SLC30A7: variants seen among roughly 807,000 people sequenced by gnomAD.
SLC30A7 encodes solute carrier family 30 member 7.
In SLC30A7, 35 loss-of-function variants were observed where a neutral mutation model predicts 46.0. The ratio of observed to expected loss-of-function variants is 0.76; its 90% CI spans 0.58 to 1.01. The LOEUF (loss-of-function observed/expected upper bound fraction) is 1.01, where lower values mean the gene tolerates loss of function less well. Among genes scored for constraint, SLC30A7 ranks in the 50% least tolerant of loss-of-function variants. The pLI, the probability that SLC30A7 is intolerant of heterozygous loss-of-function variation, is 0.00. For synonymous variants in SLC30A7, 147 were observed against 157.8 expected, an observed-to-expected ratio of 0.93 and a Z score of 0.51; for missense variants, 464 against 451.1, an observed-to-expected ratio of 1.03 and a Z score of -0.26.
At chr1:100,905,592 T>C (rs990482860) in intron 2 of SLC30A7, among the ~76,000 whole-genome samples, 2 of 152,154 alleles carry the variant, frequency 1.3e-5, no homozygotes, top group African/African-American at 2.4e-5. Context: ...TTTTTGTTTG[T>C]CTGTTTGTTT....
chr1:100,975,946 G>A lies in SLC30A7; in HGVS notation c.*1089G>A, dbSNP rs1656468563. On this transcript the variant is annotated 3_prime_UTR_variant, in exon 11 of 11. Transcript: ENST00000357650. Reference sequence around the variant, plus strand: ...GTCTTTTTGTGTACTTCCAGCATAGGTTTGGATATATGAACATTTTTCTTT... The same window carrying A: ...GTCTTTTTGTGTACTTCCAGCATAGATTTGGATATATGAACATTTTTCTTT... The A allele has an allele frequency of 6.6e-6, 1 of 151,226 alleles. No homozygotes were observed. Among genetic ancestry groups the A allele is most frequent in the East Asian group, 1.9e-4 (1 of 5,162 alleles). The allele number at this position is 151,226 out of a possible 1,614,324, so 9.4% of individuals were successfully genotyped here. A position where few individuals can be genotyped will look rare whatever the true frequency, so the allele number is the denominator to read the frequency against.
intron 8 of SLC30A7, among the ~76,000 whole-genome samples, chr1:100,937,446 C>A (rs973439137): frequency 4.6e-5 from 7 of 152,226 alleles, no homozygotes; most frequent in African/African-American, 1.4e-4. Context: ...TTGTTATTTT[C>A]TGTTTTGTTT....
intron 8 of SLC30A7, among the ~76,000 whole-genome samples, chr1:100,959,254 T>C (rs1346257998): frequency 6.6e-6 from 1 of 152,222 alleles, no homozygotes; most frequent in Non-Finnish European, 1.5e-5. Context: ...TAGGGTCACA[T>C]ACCTATTTTA....
intron 3 of SLC30A7, among the ~76,000 whole-genome samples, chr1:100,909,853 A>C (rs1651968667): frequency 6.6e-6 from 1 of 152,126 alleles, no homozygotes; most frequent in South Asian, 2.1e-4. Flanking sequence ...GGGTAGATTA[A>C]AAGAAAATAC....
chr1:100,937,316 G>A (rs1654029461), intron 8 of SLC30A7, among the ~76,000 whole-genome samples: 1 of 152,084 alleles, frequency 6.6e-6, no homozygotes, highest in African/African-American at 2.4e-5. Flanking sequence ...TGGATCATAT[G>A]GTAATTCTGT....
intron 2 of SLC30A7, among the ~76,000 whole-genome samples, chr1:100,901,115 TTAACA>T (rs1289384743): frequency 6.6e-6 from 1 of 152,136 alleles, no homozygotes; most frequent in East Asian, 1.9e-4. Context: ...CCACCCCCCC[TTAACA>T]TAACCCAAAA....
chr1:100,896,473 G>T (rs1650940413), intron 1 of SLC30A7, 97 bp from the exon 2 acceptor site: 6 of 1,416,356 alleles, frequency 4.2e-6, no homozygotes, highest in Non-Finnish European at 6.0e-6. Context: ...GAAGAAAGGA[G>T]CATGTGAACT....
chr1:100,990,502 G>A, the SLC30A7 span: 2 of 1,614,168 alleles, frequency 1.2e-6, no homozygotes, highest in East Asian at 4.5e-5. Flanking sequence ...GCTGCCTCCT[G>A]TGATGATCAA....
chr1:100,966,316 GCTCACACCTGTAATC>G (rs1655869272), intron 10 of SLC30A7, among the ~76,000 whole-genome samples: 2 of 151,694 alleles, frequency 1.3e-5, no homozygotes, highest in Non-Finnish European at 2.9e-5. Context: ...GGGTGCGGTG[GCTCACACCTGTAATC>G]CCAGTGCTTT....
chr1:100,939,890 A>G (rs1165152635), intron 8 of SLC30A7, among the ~76,000 whole-genome samples: 1 of 151,754 alleles, frequency 6.6e-6, no homozygotes, highest in East Asian at 1.9e-4. Context: ...TTTTGTGTTT[A>G]TTTATAAAAG....
intron 9 of SLC30A7, among the ~76,000 whole-genome samples, chr1:100,965,551 T>C (rs1017684364): frequency 6.6e-6 from 1 of 152,248 alleles, no homozygotes; most frequent in Non-Finnish European, 1.5e-5. Flanking sequence ...CTACAAATTT[T>C]GATACATGTT....
intron 8 of SLC30A7, among the ~76,000 whole-genome samples, chr1:100,934,003 A>G (rs1273797713): frequency 6.6e-6 from 1 of 152,210 alleles, no homozygotes; most frequent in Non-Finnish European, 1.5e-5. Context: ...CTATATACAT[A>G]CGTGTACATA....
At chr1:100,925,594 T>C (rs1653243385) in intron 8 of SLC30A7, among the ~76,000 whole-genome samples, 1 of 152,092 alleles carries the variant, frequency 6.6e-6, no homozygotes, top group South Asian at 2.1e-4. Flanking sequence ...AGAATATAAA[T>C]GTGTGGGTCA....
intron 3 of SLC30A7, among the ~76,000 whole-genome samples, chr1:100,909,679 A>G (rs578043451): frequency 2.0e-5 from 3 of 152,224 alleles, no homozygotes; most frequent in African/African-American, 7.2e-5. Context: ...AACTCAAGCT[A>G]ATTAAATCAC....
At chr1:100,965,073 C>A (rs1398108326) in intron 9 of SLC30A7, among the ~76,000 whole-genome samples, 1 of 152,132 alleles carries the variant, frequency 6.6e-6, no homozygotes, top group Non-Finnish European at 1.5e-5. Flanking sequence ...AATCTCAGAA[C>A]TGAAAAAGAT....
At chr1:100,900,194 C>G (rs991456113) in intron 2 of SLC30A7, among the ~76,000 whole-genome samples, 1 of 152,102 alleles carries the variant, frequency 6.6e-6, no homozygotes, top group Admixed American at 6.5e-5. Context: ...TTTTTATGTT[C>G]TTACATTTTT....
rs573767478 is a variant in SLC30A7, at chr1:100,928,346, C to G, written c.842+6505C>G. 1.4e-4 allele frequency among the ~76,000 whole-genome samples: 21 copies of G among 152,258 alleles called. No homozygotes were observed. In the East Asian group the frequency reaches 3.5e-3, roughly 25 times the overall value. On this transcript the variant is annotated intron_variant, in intron 8 of 10. Transcript: ENST00000357650. ...GAAAACGGCGCTTCTTAATAGTGCTCTAGGGAAGACAGTGCCCTCCATTGG... is the reference window on the plus strand; with the variant it reads ...GAAAACGGCGCTTCTTAATAGTGCTGTAGGGAAGACAGTGCCCTCCATTGG...
At chr1:100,908,499 T>C (rs1651842302) in intron 3 of SLC30A7, among the ~76,000 whole-genome samples, 1 of 152,186 alleles carries the variant, frequency 6.6e-6, no homozygotes, top group Non-Finnish European at 1.5e-5. Context: ...TTGCTGATTT[T>C]AGTTATAAGC....
chr1:100,971,500 T>C (rs186801140), intron 10 of SLC30A7, among the ~76,000 whole-genome samples: 13 of 152,284 alleles, frequency 8.5e-5, no homozygotes, highest in Admixed American at 6.5e-4. Context: ...AACAGATCCC[T>C]AGGTTTATTG....
Sources: gnomAD v4.1 joint callset for allele counts (sites outside exome capture counted in the v4.1 genomes callset) on GRCh38, gnomAD v4.1.1 for gene constraint, MANE v1.5 for transcripts, NCBI Gene and HGNC (gene_info 2026-07-23, HGNC 2026-07-21) for gene names.